Variants in GTF2E2 observed in about 807,000 individuals in gnomAD.
The protein encoded by GTF2E2 is transcription initiation factor IIE subunit beta.
In GTF2E2, 21 loss-of-function variants were observed where a neutral mutation model predicts 40.5. That is an observed-to-expected ratio of 0.52 (90% confidence interval 0.37 to 0.75). The LOEUF (loss-of-function observed/expected upper bound fraction) is 0.75. Ranked by LOEUF, GTF2E2 falls within the 30% of genes least tolerant of loss-of-function variation. GTF2E2 has a pLI of 0.00. For synonymous variants in GTF2E2, 117 were observed against 121.6 expected (o/e 0.96, Z 0.25); for missense variants, 298 against 338.4 (o/e 0.88, Z 0.94).
intron 6 of GTF2E2, among the ~76,000 whole-genome samples, chr8:30,603,593 T>C (rs1446120888): frequency 6.6e-6 from 1 of 152,124 alleles, no homozygotes; most frequent in African/African-American, 2.4e-5. Flanking sequence ...AAACTACGAC[T>C]GCCAAGAACG....
chr8:30,646,734 C>A (rs1563509758), intron 2 of GTF2E2, among the ~76,000 whole-genome samples: 1 of 152,136 alleles, frequency 6.6e-6, no homozygotes. Context: ...GTCATCCCAG[C>A]ACTTTGGGAG....
chr8:30,610,464 G>T (rs1029792569), intron 5 of GTF2E2, among the ~76,000 whole-genome samples: 4 of 145,344 alleles, frequency 2.8e-5, no homozygotes, highest in Non-Finnish European at 4.5e-5. Context: ...AAAAAAAAAG[G>T]CTACATTAAT....
chr8:30,636,199 A>G (rs1265047622), intron 2 of GTF2E2, among the ~76,000 whole-genome samples: 1 of 152,234 alleles, frequency 6.6e-6, no homozygotes, highest in Non-Finnish European at 1.5e-5. Flanking sequence ...CAGGAACAGT[A>G]AAAAATCCAT....
intron 1 of GTF2E2, among the ~76,000 whole-genome samples, chr8:30,654,971 T>G (rs188499588): frequency 1.8e-3 from 273 of 152,310 alleles, no homozygotes; most frequent in African/African-American, 5.8e-3. Context: ...CCGGGCACAG[T>G]GGCTCATGTC....
Position 30,653,525 on chromosome 8 carries a change from C to T in GTF2E2, c.74G>A (p.Arg25His), listed in dbSNP as rs191911969. The change falls in exon 2 of 8, where the codon CGT (arginine) becomes CAT (histidine). Residue 25 changes from arginine (R) to histidine (H), a missense_variant. By Grantham distance (29) the Arg-to-His change is conservative. Transcript: ENST00000355904. ...TGATGATGACTCAGAAGATGCTGAA[C>T]GTTTTTCTACTACAGGAGTAGAAAG... ...RALSTPVVEKRSASSESSSSS... is the reference protein window; with the variant it reads ...RALSTPVVEKHSASSESSSSS... 205 of 1,613,076 alleles carry T rather than the reference C, an allele frequency of 1.3e-4. No individual in the cohort carries two copies. In the South Asian group the frequency reaches 1.5e-3, roughly 12 times the overall value.
chr8:30,648,383 T>TA (rs1802167828), intron 2 of GTF2E2, among the ~76,000 whole-genome samples: 1 of 152,192 alleles, frequency 6.6e-6, no homozygotes, highest in Non-Finnish European at 1.5e-5. Flanking sequence ...ATCACAGCTG[T>TA]ATGAAGAATG....
At chr8:30,623,991 G>C (rs1203708796) in intron 3 of GTF2E2, among the ~76,000 whole-genome samples, 2 of 151,958 alleles carry the variant, frequency 1.3e-5, no homozygotes, top group African/African-American at 2.4e-5. Flanking sequence ...AGTTTCTTTT[G>C]CTGTGCAGAA....
chr8:30,655,694 G>A (rs1802428633), intron 1 of GTF2E2, among the ~76,000 whole-genome samples: 1 of 152,206 alleles, frequency 6.6e-6, no homozygotes, highest in Non-Finnish European at 1.5e-5. Context: ...TGGAAGCATT[G>A]AGCTAAAAAT....
At chr8:30,596,019 C>CT (rs1828995384) in intron 6 of GTF2E2, among the ~76,000 whole-genome samples, 2 of 152,242 alleles carry the variant, frequency 1.3e-5, no homozygotes, top group Middle Eastern at 3.4e-3. Context: ...ACTCTGCATT[C>CT]TTTTTTTCCT....
At chr8:30,655,412 A>G (rs1203792954) in intron 1 of GTF2E2, among the ~76,000 whole-genome samples, 1 of 146,078 alleles carries the variant, frequency 6.8e-6, no homozygotes, top group East Asian at 2.4e-4. Context: ...GAAGACCTCA[A>G]GCTGACTATA....
At chr8:30,615,270 ACT>A (rs1298909194) in intron 3 of GTF2E2, among the ~76,000 whole-genome samples, 1 of 152,136 alleles carries the variant, frequency 6.6e-6, no homozygotes, top group Non-Finnish European at 1.5e-5. Context: ...CAAGAGCAAG[ACT>A]CTGTCTTGAA....
At chr8:30,610,674 C>CAAAAATTAATAAAGTTGG (rs1829454635) in intron 5 of GTF2E2, among the ~76,000 whole-genome samples, 1 of 152,124 alleles carries the variant, frequency 6.6e-6, no homozygotes, top group Non-Finnish European at 1.5e-5. Flanking sequence ...TGGACTCTTA[C>CAAAAATTAATAAAGTTGG]ACCATATACA....
chr8:30,645,422 T>C, intron 2 of GTF2E2: 1 of 1,535,736 alleles, frequency 6.5e-7, no homozygotes, highest in Non-Finnish European at 8.7e-7. Context: ...TGCTTTGTCA[T>C]CCTGCTTTTA....
chr8:30,607,266 A>G, intron 5 of GTF2E2, 116 bp from the exon 6 acceptor site: 1 of 477,094 alleles, frequency 2.1e-6, no homozygotes, highest in South Asian at 4.4e-5. Flanking sequence ...GTATACCACC[A>G]TAGGGTCCTC....
chr8:30,610,104 C>A (rs979361917), intron 5 of GTF2E2, among the ~76,000 whole-genome samples: 4 of 152,000 alleles, frequency 2.6e-5, no homozygotes, highest in Admixed American at 1.3e-4. Flanking sequence ...TGAAAAAGAA[C>A]AAAATTGGTG....
In GTF2E2 at chr8:30,579,368, C is replaced by T. The variant is rs540203748; in HGVS notation, c.760-331G>A. 3.3e-5 allele frequency among the ~76,000 whole-genome samples: 5 copies of T among 152,282 alleles called. No individual in the cohort carries two copies. In the East Asian group the frequency reaches 9.6e-4, roughly 29 times the overall value. ...AGGTTTAAAAACGTATCCACCATTA[C>T]CGATTTTAAAAAGATCTGAAGAAAA... On this transcript the variant is annotated intron_variant, in intron 7 of 7. Transcript: ENST00000355904.
chr8:30,655,817 T>C (rs1467918359), intron 1 of GTF2E2, among the ~76,000 whole-genome samples: 1 of 150,128 alleles, frequency 6.7e-6, no homozygotes, highest in East Asian at 1.9e-4. Flanking sequence ...TTTTTTTTTC[T>C]TTTTTTTTGA....
intron 6 of GTF2E2, among the ~76,000 whole-genome samples, chr8:30,600,149 T>C (rs1488936206): frequency 4.6e-5 from 7 of 152,118 alleles, no homozygotes; most frequent in Non-Finnish European, 1.5e-5. Context: ...GATTGTCCAT[T>C]AGAATTCTCA....
At chr8:30,624,736 T>A (rs1471395861) in intron 3 of GTF2E2, among the ~76,000 whole-genome samples, 5 of 152,212 alleles carry the variant, frequency 3.3e-5, no homozygotes, top group Non-Finnish European at 5.9e-5. Flanking sequence ...ACATCCCTTG[T>A]AAGTTGGATT....
Sources: gnomAD v4.1 joint callset for allele counts (sites outside exome capture counted in the v4.1 genomes callset) on GRCh38, gnomAD v4.1.1 for gene constraint, MANE v1.5 for transcripts, NCBI Gene and HGNC (gene_info 2026-07-23, HGNC 2026-07-21) for gene names.